OFD1: variants seen among roughly 807,000 people sequenced by gnomAD.
OFD1 encodes the protein centriole and centriolar satellite protein OFD1.
A neutral mutation model predicts 81.4 loss-of-function variants in OFD1; 12 were observed. The observed-to-expected ratio is 0.15, with a 90% CI of 0.09 to 0.24. OFD1 has a LOEUF of 0.24. OFD1 is among the 10% of genes least tolerant of loss of function. OFD1 has a pLI of 1.00. For missense variants in OFD1, 685 were observed against 733.9 expected (o/e 0.93, Z 0.77); for synonymous variants, 256 against 263.7 (o/e 0.97, Z 0.28).
intron 18 of OFD1, 111 bp downstream of exon 18, chrX:13,762,555 T>C: frequency 2.0e-6 from 1 of 494,287 alleles, no homozygotes; most frequent in South Asian, 3.0e-5. Flanking sequence ...ATTGGGTCAT[T>C]ATTATTTTGT....
In OFD1 at chrX:13,753,357, C is replaced by T. The variant is rs1462883510; in HGVS notation, c.1056-11C>T. On this transcript the variant is annotated splice_polypyrimidine_tract_variant and intron_variant, in intron 10 of 22. Coordinates refer to ENST00000340096, the MANE Select transcript of OFD1 (RefSeq NM_003611.3). Reference sequence around the variant, plus strand: ...CCTGAGGAGCTCATATTTAGTCATTCTGATTCTCAGGTATCAACTTGAACT... The same window carrying T: ...CCTGAGGAGCTCATATTTAGTCATTTTGATTCTCAGGTATCAACTTGAACT... 1 of 1,207,395 alleles carries T rather than the reference C, an allele frequency of 8.3e-7. No individual in the cohort carries two copies. The highest frequency in any genetic ancestry group is 2.2e-5 in the Admixed American group (1 of 45,976).
Position 13,768,944 on chromosome X carries a change from C to T in OFD1, c.2997-122C>T. 3 of 748,722 alleles carry T rather than the reference C, an allele frequency of 4.0e-6. No homozygotes were observed. The South Asian group carries it at 6.6e-5, about 16-fold the overall frequency. The allele number at this position is 748,722 out of a possible 1,213,427, so 61.7% of individuals were successfully genotyped here. A position where few individuals can be genotyped will look rare whatever the true frequency, so the allele number is the denominator to read the frequency against. On this transcript the variant is annotated intron_variant, in intron 22 of 22. Coordinates refer to ENST00000340096, the MANE Select transcript of OFD1 (RefSeq NM_003611.3). The stretch of plus-strand genomic sequence containing the variant: ...GAGTTTTTTGACTTGTGAAATTGAT[C>T]CTGATATAAATTGTAAACTAGGGCA...
chrX:13,748,824 A>G, intron 8 of OFD1, among the ~76,000 whole-genome samples: 1 of 111,201 alleles, frequency 9.0e-6, no homozygotes, highest in Non-Finnish European at 1.9e-5. Flanking sequence ...ACTTGCCAAA[A>G]TTTAGGTAAG....
At position 13,760,024 on chromosome X, in the gene OFD1, CTT is replaced by C. The variant is rs1405281904; in HGVS notation, c.1655-90_1655-89del. ...AGTGCAAGTTTGTCCTTATTACTCT[CTT>C]CCATTTTTCAAAAAAATAATATTCT... On this transcript the variant is annotated intron_variant, in intron 15 of 22. Transcript: ENST00000340096. 2.7e-6 allele frequency: 3 copies of C among 1,114,396 alleles called. No homozygotes were observed. In the African/African-American group the frequency reaches 5.4e-5, roughly 20 times the overall value. The allele number at this position is 1,114,396 out of a possible 1,213,427, so 91.8% of individuals were successfully genotyped here.
In OFD1 at chrX:13,768,700, C is replaced by T. The variant is rs180940027; in HGVS notation, c.2929-18C>T. Reference sequence around the variant, plus strand: ...GCATATCTAATTTCAAAATTTTCCACCCTCTCCATGTAATCAGAGCTCAAA... The same window carrying T: ...GCATATCTAATTTCAAAATTTTCCATCCTCTCCATGTAATCAGAGCTCAAA... On this transcript the variant is annotated intron_variant, in intron 21 of 22. Transcript: ENST00000340096. 8.8e-3 allele frequency: 10,482 copies of T among 1,190,821 alleles called. 45 individuals carry two copies. The highest frequency in any genetic ancestry group is 0.01 in the Non-Finnish European group (9,099 of 878,021).
downstream of OFD1, chrX:13,769,373 A>ATACTC (rs2048258425): frequency 1.5e-5 from 5 of 342,068 alleles, no homozygotes; most frequent in Admixed American, 5.2e-5. Context: ...TTTTGTCTTA[A>ATACTC]ATTTATAAAT....
chrX:13,744,632 G>A (rs923840043), intron 6 of OFD1, 113 bp downstream of exon 6: 46 of 535,875 alleles, frequency 8.6e-5, no homozygotes, highest in African/African-American at 6.9e-5. Flanking sequence ...GGATGCAGCC[G>A]GCAGGCAACA....
At chrX:13,726,126 C>T in the OFD1 span, among the ~76,000 whole-genome samples, 3 of 112,382 alleles carry the variant, frequency 2.7e-5, no homozygotes, top group African/African-American at 9.7e-5. Context: ...ACCAAATCTA[C>T]GTTTGACTGG....
rs190979841 is a variant in OFD1, at chrX:13,768,866, T to C, written c.2996+81T>C. On this transcript the variant is annotated intron_variant, in intron 22 of 22. Coordinates refer to ENST00000340096, the MANE Select transcript of OFD1 (RefSeq NM_003611.3). ...AGCCAAGAGAAACAGATGTTTGAGATTGCCTGTAAGAAGTTATTGAATCAG... is the reference window on the plus strand; with the variant it reads ...AGCCAAGAGAAACAGATGTTTGAGACTGCCTGTAAGAAGTTATTGAATCAG... 1,260 of 906,194 alleles carry C rather than the reference T, an allele frequency of 1.4e-3. 6 individuals are homozygous for C. The African/African-American group carries it at 0.022, about 16-fold the overall frequency. The allele number at this position is 906,194 out of a possible 1,213,427, so 74.7% of individuals were successfully genotyped here. A position where few individuals can be genotyped will look rare whatever the true frequency, so the allele number is the denominator to read the frequency against.
chrX:13,719,194 T>G, the OFD1 span, among the ~76,000 whole-genome samples: 1 of 110,294 alleles, frequency 9.1e-6, no homozygotes, highest in Non-Finnish European at 1.9e-5. Flanking sequence ...TGGTTTTATT[T>G]TAAGCATTTG....
chrX:13,772,820 G>T (rs879043216), downstream of OFD1: 9 of 1,093,269 alleles, frequency 8.2e-6, no homozygotes, highest in South Asian at 1.8e-4. Context: ...GTACTGCAGA[G>T]CAGCTGTCTG....
At chrX:13,730,172 T>C (rs1488204629), upstream of OFD1, among the ~76,000 whole-genome samples, 1 of 109,499 alleles carries the variant, frequency 9.1e-6, no homozygotes, top group African/African-American at 3.3e-5. Context: ...AATCTACCCA[T>C]CTGACGAAGG....
At position 13,756,775 on chromosome X, in the gene OFD1, TTTTTC is replaced by T; in HGVS notation, c.1411+16_1411+20del. 8.5e-7 allele frequency: 1 copy of T among 1,183,292 alleles called. No homozygotes were observed. Among genetic ancestry groups the T allele is most frequent in the Non-Finnish European group, 1.2e-6 (1 of 869,260 alleles). On this transcript the variant is annotated intron_variant, in intron 13 of 22. Transcript: ENST00000340096. ...ACCTGCGTCTCCTAAACCGTATGTATTTTTCTTTTCTTCTGACTTGCGTGTTTTAG... is the reference window on the plus strand; with the variant it reads ...ACCTGCGTCTCCTAAACCGTATGTATTTTTCTTCTGACTTGCGTGTTTTAG...
intron 6 of OFD1, among the ~76,000 whole-genome samples, chrX:13,745,706 G>C (rs953252365): frequency 8.9e-5 from 10 of 112,235 alleles, no homozygotes; most frequent in Non-Finnish European, 1.9e-4. Flanking sequence ...TCTGGGTTCA[G>C]ATTTGCACTT....
intron 11 of OFD1, among the ~76,000 whole-genome samples, chrX:13,754,045 G>A (rs1428861923): frequency 6.5e-5 from 7 of 107,747 alleles, no homozygotes; most frequent in Middle Eastern, 4.9e-3. Flanking sequence ...GCAGTGGTGC[G>A]ATCTCGGCTC....
the OFD1 span, among the ~76,000 whole-genome samples, chrX:13,719,573 C>T: frequency 5.4e-5 from 6 of 112,070 alleles, no homozygotes; most frequent in South Asian, 3.7e-4. Flanking sequence ...TATTTCAAGG[C>T]GGCAATCCAC....
At chrX:13,749,270 C>T (rs942398006) in intron 8 of OFD1, among the ~76,000 whole-genome samples, 157 bp from the exon 9 acceptor site, 6 of 111,353 alleles carry the variant, frequency 5.4e-5, no homozygotes, top group Middle Eastern at 4.6e-3. Context: ...AACTAGAATA[C>T]GCAAAAAGTA....
chrX:13,757,947 T>C (rs185985625), intron 14 of OFD1, among the ~76,000 whole-genome samples, 157 bp downstream of exon 14: 1 of 112,253 alleles, frequency 8.9e-6, no homozygotes, highest in East Asian at 2.8e-4. Flanking sequence ...CTGAGAAAAT[T>C]CTGCAGTGAT....
chrX:13,741,341 A>G (rs11095623), intron 5 of OFD1, among the ~76,000 whole-genome samples: 4 of 110,508 alleles, frequency 3.6e-5, no homozygotes, highest in African/African-American at 1.3e-4. Context: ...TCCTGGTAAG[A>G]TAAAATTTTT....
Sources: allele counts gnomAD v4.1 joint callset (sites outside exome capture counted in the v4.1 genomes callset), GRCh38; gene constraint gnomAD v4.1.1; transcripts MANE v1.5; gene names NCBI Gene and HGNC (gene_info 2026-07-23, HGNC 2026-07-21).